WDR25: variants seen among roughly 807,000 people sequenced by gnomAD.
The protein encoded by WDR25 is WD repeat-containing protein 25.
A neutral mutation model predicts 47.7 loss-of-function variants in WDR25; 35 were observed. The observed-to-expected ratio is 0.73, with a 90% CI of 0.56 to 0.97. WDR25 has a LOEUF of 0.97. Ranked by LOEUF, WDR25 falls within the 50% of genes least tolerant of loss-of-function variation. The pLI, the probability that WDR25 is intolerant of heterozygous loss-of-function variation, is 0.00. For synonymous variants in WDR25, 248 were observed against 278.9 expected, an observed-to-expected ratio of 0.89 and a Z score of 1.10; for missense variants, 634 against 704.7, an observed-to-expected ratio of 0.90 and a Z score of 1.14.
rs143430873 is a variant in WDR25, at chr14:100,459,939, T to TACAC, written c.823-8080_823-8077dup. On this transcript the variant is annotated intron_variant, in intron 2 of 6. Transcript: ENST00000402312. ...ATATATATATATATATATATATATA[T>TACAC]ACACATACACATACACACACATATA... 1.8e-4 allele frequency among the ~76,000 whole-genome samples: 15 copies of TACAC among 84,894 alleles called. No homozygotes were observed. In the East Asian group the frequency reaches 2.3e-3, roughly 13 times the overall value. 55.7% of individuals were successfully genotyped at this position (84,894 alleles called of 152,430 possible). A position where few individuals can be genotyped will look rare whatever the true frequency, so the allele number is the denominator to read the frequency against.
At chr14:100,520,955 GTTAAT>G (rs2029870554) in intron 4 of WDR25, among the ~76,000 whole-genome samples, 1 of 152,102 alleles carries the variant, frequency 6.6e-6, no homozygotes, top group Admixed American at 6.5e-5. Context: ...TCAATACATG[GTTAAT>G]TTTGTTTGCC....
intron 2 of WDR25, among the ~76,000 whole-genome samples, chr14:100,414,131 G>T (rs1674851715): frequency 1.3e-5 from 2 of 151,344 alleles, no homozygotes; most frequent in South Asian, 4.2e-4. Context: ...TAGTAGCTGG[G>T]ACTACAGGCG....
intron 2 of WDR25, among the ~76,000 whole-genome samples, chr14:100,453,762 C>A (rs955156971): frequency 3.9e-5 from 6 of 152,038 alleles, no homozygotes; most frequent in African/African-American, 1.4e-4. Flanking sequence ...GCCCCAGCCT[C>A]CAGCTCTCCA....
chr14:100,381,806 A>C, intron 2 of WDR25, 60 bp downstream of exon 2: 1 of 1,373,220 alleles, frequency 7.3e-7, no homozygotes, highest in Non-Finnish European at 9.9e-7. Flanking sequence ...TGCTGGAATA[A>C]TAGTGAAGTG....
intron 2 of WDR25, among the ~76,000 whole-genome samples, chr14:100,403,833 T>A (rs1897452080): frequency 6.6e-6 from 1 of 152,152 alleles, no homozygotes; most frequent in Admixed American, 6.5e-5. Flanking sequence ...GCCCTCAGAC[T>A]TCCATCGAGA....
intron 2 of WDR25, among the ~76,000 whole-genome samples, chr14:100,410,856 C>T (rs1394436331): frequency 2.0e-5 from 3 of 150,710 alleles, no homozygotes; most frequent in African/African-American, 7.3e-5. Flanking sequence ...AATCATGGCT[C>T]ACTGCAGTCT....
rs1226222220 is a variant in WDR25 at position 100,525,302 on chromosome 14, GTTT to G, written c.1102-567_1102-565del. On this transcript the variant is annotated intron_variant, in intron 4 of 6. Coordinates refer to ENST00000402312, the MANE Select transcript of WDR25 (RefSeq NM_001161476.3). The surrounding 1 kb of genome is among the most constrained non-coding windows in gnomAD (Gnocchi z 4.6). ...AACTGCTCAATACTTAATAAAGTCA[GTTT>G]ATGAGACAGCAGACTGTGAAGTATC... Among the ~76,000 whole-genome samples, 1 of 152,234 alleles carries G rather than the reference GTTT, an allele frequency of 6.6e-6. No homozygotes were observed. The highest frequency in any genetic ancestry group is 1.5e-5 in the Non-Finnish European group (1 of 68,046).
At chr14:100,486,851 T>C (rs1413704078) in intron 4 of WDR25, among the ~76,000 whole-genome samples, 1 of 151,976 alleles carries the variant, frequency 6.6e-6, no homozygotes, top group African/African-American at 2.4e-5. Flanking sequence ...TTAAATACAG[T>C]AGGGAAGGAA....
chr14:100,441,093 C>G (rs1898654822), intron 2 of WDR25, among the ~76,000 whole-genome samples: 1 of 152,144 alleles, frequency 6.6e-6, no homozygotes, highest in South Asian at 2.1e-4. Context: ...CTGGTTTGGT[C>G]TTGAAACTGG....
intron 2 of WDR25, among the ~76,000 whole-genome samples, chr14:100,465,236 G>A (rs147454945): frequency 7.9e-5 from 12 of 151,894 alleles, no homozygotes; most frequent in East Asian, 1.9e-4. Context: ...CATCTTCACC[G>A]CTATTAAGCA....
chr14:100,450,968 G>A (rs533544709), intron 2 of WDR25, among the ~76,000 whole-genome samples: 7 of 152,290 alleles, frequency 4.6e-5, no homozygotes, highest in African/African-American at 1.7e-4. Flanking sequence ...TTAGACCTCG[G>A]GTTCCAGCTG....
At chr14:100,381,851 C>A in intron 2 of WDR25, 105 bp downstream of exon 2, 1 of 936,982 alleles carries the variant, frequency 1.1e-6, no homozygotes, top group Non-Finnish European at 1.6e-6. Context: ...TTTTTGTGTG[C>A]AGATTTCTGT....
chr14:100,475,470 A>G (rs996788723), intron 3 of WDR25, among the ~76,000 whole-genome samples: 2 of 152,214 alleles, frequency 1.3e-5, no homozygotes, highest in African/African-American at 4.8e-5. Flanking sequence ...ATATTCTGTC[A>G]TTTTTGACAA....
chr14:100,482,308 A>G (rs1282978532), intron 3 of WDR25, among the ~76,000 whole-genome samples: 2 of 152,236 alleles, frequency 1.3e-5, no homozygotes, highest in African/African-American at 4.8e-5. Context: ...CTCACTAAAA[A>G]TAGTATTACA....
chr14:100,522,229 A>AT (rs930969965), intron 4 of WDR25, among the ~76,000 whole-genome samples: 17 of 151,040 alleles, frequency 1.1e-4, no homozygotes, highest in East Asian at 5.8e-4. Flanking sequence ...ATCCCAAAGT[A>AT]TTTTTTTTTA....
intron 4 of WDR25, among the ~76,000 whole-genome samples, chr14:100,521,203 C>CACAG (rs796527457): frequency 6.7e-6 from 1 of 149,970 alleles, no homozygotes; most frequent in East Asian, 1.9e-4. Context: ...CACACACACA[C>CACAG]AGAGAGAGAG....
In WDR25 at chr14:100,516,884, A is replaced by T. The variant is rs143641539; in HGVS notation, c.1102-8986A>T. On this transcript the variant is annotated intron_variant, in intron 4 of 6. Coordinates refer to ENST00000402312, the MANE Select transcript of WDR25 (RefSeq NM_001161476.3). Reference sequence around the variant, plus strand: ...ATTTATATTTAATGTAATTACTGCTATGGTTGACTTTGGCCTGTCATGTTA... The same window carrying T: ...ATTTATATTTAATGTAATTACTGCTTTGGTTGACTTTGGCCTGTCATGTTA... Among the ~76,000 whole-genome samples, 1,126 of 150,612 alleles carry T rather than the reference A, an allele frequency of 7.5e-3. 18 individuals carry two copies. The highest frequency in any genetic ancestry group is 0.026 in the African/African-American group (1,076 of 41,152).
chr14:100,428,166 C>T lies in WDR25; in HGVS notation c.823-39855C>T, dbSNP rs114870823. 2.1e-3 allele frequency among the ~76,000 whole-genome samples: 324 copies of T among 152,332 alleles called. No homozygotes were observed. Among genetic ancestry groups the T allele is most frequent in the African/African-American group, 7.3e-3 (305 of 41,578 alleles). On this transcript the variant is annotated intron_variant, in intron 2 of 6. Coordinates refer to ENST00000402312, the MANE Select transcript of WDR25 (RefSeq NM_001161476.3). This position sits in a 1 kb window ranked among gnomAD's most constrained non-coding sequence, Gnocchi z 4.3. ...CTGAGGAAACGTTTGTCGTGTGCTC[C>T]GACCGAAGCGTTGGCACTGACCCGT...
rs1445529847 is a variant in WDR25, at chr14:100,525,056, C to T, written c.1102-814C>T. 2.6e-5 allele frequency among the ~76,000 whole-genome samples: 4 copies of T among 152,160 alleles called. No homozygotes were observed. Among genetic ancestry groups the T allele is most frequent in the South Asian group, 2.1e-4 (1 of 4,826 alleles). The stretch of plus-strand genomic sequence containing the variant: ...CCCAGGAACTGGTAAAGGGACCGGC[C>T]GGCCCCTGCGACCAACTTGAGACCT... On this transcript the variant is annotated intron_variant, in intron 4 of 6. Coordinates refer to ENST00000402312, the MANE Select transcript of WDR25 (RefSeq NM_001161476.3). This position sits in a 1 kb window ranked among gnomAD's most constrained non-coding sequence, Gnocchi z 4.6.
Sources: gnomAD v4.1 joint callset for allele counts (sites outside exome capture counted in the v4.1 genomes callset) on GRCh38, gnomAD v4.1.1 for gene constraint, Gnocchi (gnomAD v3.1) non-coding constraint, MANE v1.5 for transcripts, NCBI Gene and HGNC (gene_info 2026-07-23, HGNC 2026-07-21) for gene names.